The following TSNARE1 variants were observed in gnomAD, a reference collection of about 807,000 sequenced individuals.
The protein encoded by TSNARE1 is t-SNARE domain-containing protein 1.
Under a neutral mutation model 62.0 loss-of-function variants are expected in TSNARE1, and 49 were observed. The observed-to-expected ratio is 0.79, with a 90% CI of 0.63 to 1.00. The LOEUF (loss-of-function observed/expected upper bound fraction) is 1.00. Ranked by LOEUF, TSNARE1 falls within the 50% of genes least tolerant of loss-of-function variation. TSNARE1 has a pLI of 0.00. For synonymous variants in TSNARE1, 328 were observed against 294.4 expected (o/e 1.11, Z -1.17); for missense variants, 755 against 700.1 (o/e 1.08, Z -0.88).
chr8:142,345,361 C>T (rs1265235446), intron 3 of TSNARE1, among the ~76,000 whole-genome samples: 4 of 152,310 alleles, frequency 2.6e-5, no homozygotes, highest in South Asian at 2.1e-4. Flanking sequence ...CAGAGGTCAC[C>T]GCACCTGTTC....
At chr8:142,284,344 G>T in intron 11 of TSNARE1, 69 bp downstream of exon 11, 2 of 1,312,996 alleles carry the variant, frequency 1.5e-6, no homozygotes, top group Non-Finnish European at 1.1e-6. Context: ...AGGTGAAGGG[G>T]TGAGGGCTGG....
At chr8:142,230,308 A>C (rs1817040937) in intron 12 of TSNARE1, among the ~76,000 whole-genome samples, 1 of 152,252 alleles carries the variant, frequency 6.6e-6, no homozygotes, top group South Asian at 2.1e-4. Context: ...GTAAGTACCA[A>C]GTATCCAAAG....
Sources: gnomAD v4.1 joint callset for allele counts (sites outside exome capture counted in the v4.1 genomes callset) on GRCh38, gnomAD v4.1.1 for gene constraint, MANE v1.5 for transcripts, NCBI Gene and HGNC (gene_info 2026-07-23, HGNC 2026-07-21) for gene names.